COL24A1: variants seen among roughly 807,000 people sequenced by gnomAD.
COL24A1 encodes collagen type XXIV alpha 1 chain, also known as collagen alpha-1(XXIV) chain.
Under a neutral mutation model 253.9 loss-of-function variants are expected in COL24A1, and 224 were observed. That is an observed-to-expected ratio of 0.88 (90% CI 0.79 to 0.99). The LOEUF (loss-of-function observed/expected upper bound fraction) is 0.99. Ranked by LOEUF, COL24A1 falls within the 50% of genes least tolerant of loss-of-function variation. The pLI is 0.00. For missense variants in COL24A1, 2,131 were observed against 2,068.5 expected, an observed-to-expected ratio of 1.03 and a Z score of -0.59; for synonymous variants, 685 against 673.7, an observed-to-expected ratio of 1.02 and a Z score of -0.26.
chr1:86,124,687 C>A (rs1352790440), intron 3 of COL24A1, among the ~76,000 whole-genome samples, 158 bp downstream of exon 3: 1 of 151,938 alleles, frequency 6.6e-6, no homozygotes, highest in Non-Finnish European at 1.5e-5. Flanking sequence ...TATGTTACAG[C>A]AACCATAAAT....
chr1:85,881,461 AC>A (rs1053989979), intron 32 of COL24A1, among the ~76,000 whole-genome samples: 6 of 138,264 alleles, frequency 4.3e-5, no homozygotes, highest in African/African-American at 1.7e-4. Context: ...TACTAAAAAT[AC>A]AAAAAAAAAA....
At chr1:85,893,974 T>C (rs546310793) in intron 31 of COL24A1, among the ~76,000 whole-genome samples, 70 of 152,264 alleles carry the variant, frequency 4.6e-4, no homozygotes, top group African/African-American at 1.6e-3. Context: ...ATATGGTTTT[T>C]AGGAGCATAC....
rs763354465 is a variant in COL24A1 at position 85,868,773 on chromosome 1, A to C, written c.3192+9T>G. On this transcript the variant is annotated intron_variant, in intron 36 of 59. Transcript: ENST00000370571. ...CTATTTTATATATAATCTTAAAAGTATAATTTACCTTTAACCCATCTTTTC... is the reference window on the plus strand; with the variant it reads ...CTATTTTATATATAATCTTAAAAGTCTAATTTACCTTTAACCCATCTTTTC... The C allele has an allele frequency of 6.5e-7, 1 of 1,534,882 alleles. No homozygotes were observed. Among genetic ancestry groups the C allele is most frequent in the South Asian group, 1.2e-5 (1 of 81,570 alleles).
chr1:86,071,227 A>C (rs1386435763), intron 7 of COL24A1, among the ~76,000 whole-genome samples: 1 of 152,124 alleles, frequency 6.6e-6, no homozygotes, highest in African/African-American at 2.4e-5. Context: ...GTAACCTCAA[A>C]CCAAAAAAAC....
chr1:86,104,751 T>C (rs547320746), intron 5 of COL24A1, among the ~76,000 whole-genome samples: 1 of 152,244 alleles, frequency 6.6e-6, no homozygotes. Flanking sequence ...CCCACTGCAA[T>C]GGGAGGAGCT....
intron 1 of COL24A1, among the ~76,000 whole-genome samples, chr1:86,152,222 A>C (rs2102459653): frequency 6.6e-6 from 1 of 152,302 alleles, no homozygotes; most frequent in East Asian, 1.9e-4. Context: ...TATATAGCTA[A>C]ACCAGCATGA....
At position 86,092,770 on chromosome 1, in the gene COL24A1, G is replaced by A. The variant is rs183802419; in HGVS notation, c.1600-450C>T. Among the ~76,000 whole-genome samples, 1,194 of 151,834 alleles carry A rather than the reference G, an allele frequency of 7.9e-3. 7 individuals carry two copies. Among genetic ancestry groups the A allele is most frequent in the Admixed American group, 0.016 (244 of 15,244 alleles). On this transcript the variant is annotated intron_variant, in intron 5 of 59. Transcript: ENST00000370571. ...TTTTCCAAAATATTACAATGCACAT[G>A]TATTACTTTTATTATTAAGAAAAAT... is the stretch of plus-strand genomic sequence containing the variant.
chr1:85,997,861 T>C (rs1695004778), intron 19 of COL24A1, among the ~76,000 whole-genome samples: 1 of 152,176 alleles, frequency 6.6e-6, no homozygotes, highest in African/African-American at 2.4e-5. Flanking sequence ...GAGTGCTTTC[T>C]TTTTGCTTAG....
chr1:86,059,323 G>C (rs1343593407), intron 8 of COL24A1, 149 bp from the exon 9 acceptor site: 1 of 472,046 alleles, frequency 2.1e-6, no homozygotes, highest in Non-Finnish European at 3.8e-6. Flanking sequence ...CTACGTGAAG[G>C]AAAATGGACA....
intron 32 of COL24A1, among the ~76,000 whole-genome samples, chr1:85,883,088 G>T (rs1254450252): frequency 6.6e-6 from 1 of 152,146 alleles, no homozygotes; most frequent in Non-Finnish European, 1.5e-5. Context: ...ATATCATTGA[G>T]TTAGTATATA....
intron 37 of COL24A1, among the ~76,000 whole-genome samples, chr1:85,858,619 C>CTCT (rs1678730988): frequency 2.9e-5 from 4 of 137,796 alleles, no homozygotes; most frequent in African/African-American, 1.1e-4. Context: ...CTTATTTTCT[C>CTCT]CCTCCTTCCT....
intron 57 of COL24A1, among the ~76,000 whole-genome samples, chr1:85,742,942 C>T (rs7535884): frequency 0.89 from 135,389 of 152,070 alleles, 61,047 homozygotes; most frequent in Non-Finnish European, 0.97. Flanking sequence ...AATCTAACCA[C>T]TTTTTACCAC....
intron 45 of COL24A1, among the ~76,000 whole-genome samples, chr1:85,819,057 T>C (rs1299453424): frequency 2.6e-5 from 4 of 152,204 alleles, no homozygotes; most frequent in African/African-American, 9.6e-5. Context: ...AAAATCCAAC[T>C]TTTGCAGGAT....
chr1:85,958,079 G>A (rs1367452423), intron 24 of COL24A1, among the ~76,000 whole-genome samples: 1 of 151,850 alleles, frequency 6.6e-6, no homozygotes, highest in Non-Finnish European at 1.5e-5. Flanking sequence ...TGCTTTATGT[G>A]CATTATCACT....
intron 2 of COL24A1, among the ~76,000 whole-genome samples, chr1:86,127,767 C>T (rs1472860409): frequency 6.6e-6 from 1 of 152,044 alleles, no homozygotes; most frequent in Non-Finnish European, 1.5e-5. Context: ...TTTGATAATG[C>T]ATGCTTATTA....
chr1:85,873,484 T>C (rs1302847731), intron 35 of COL24A1, among the ~76,000 whole-genome samples: 2 of 152,194 alleles, frequency 1.3e-5, no homozygotes, highest in Admixed American at 6.5e-5. Flanking sequence ...GTGGCACATA[T>C]ACACCATGGA....
chr1:86,136,761 T>G (rs961666853), intron 2 of COL24A1, among the ~76,000 whole-genome samples: 4 of 152,082 alleles, frequency 2.6e-5, no homozygotes, highest in Admixed American at 1.3e-4. Context: ...TAATTAATCA[T>G]GGCAGTATTA....
chr1:86,096,647 C>A (rs1703910463), intron 5 of COL24A1, among the ~76,000 whole-genome samples: 1 of 152,014 alleles, frequency 6.6e-6, no homozygotes, highest in African/African-American at 2.4e-5. Flanking sequence ...ACATAAATGA[C>A]CCTACTTCCC....
intron 9 of COL24A1, among the ~76,000 whole-genome samples, chr1:86,058,779 G>C (rs1318857566): frequency 6.6e-6 from 1 of 152,058 alleles, no homozygotes; most frequent in Admixed American, 6.5e-5. Flanking sequence ...GTTTATTACA[G>C]AGAGTCTTAA....
Sources: allele counts gnomAD v4.1 joint callset (sites outside exome capture counted in the v4.1 genomes callset), GRCh38; gene constraint gnomAD v4.1.1; transcripts MANE v1.5; gene names NCBI Gene and HGNC (gene_info 2026-07-23, HGNC 2026-07-21).